Variants in MOB3B observed in about 807,000 individuals in gnomAD.
MOB3B encodes MOB kinase activator-like 2B.
In MOB3B, 7 loss-of-function variants were observed where a neutral mutation model predicts 18.7. The observed-to-expected ratio is 0.37, with a 90% CI of 0.21 to 0.70. The LOEUF (loss-of-function observed/expected upper bound fraction) is 0.70. Among genes scored for constraint, MOB3B ranks in the 30% least tolerant of loss-of-function variants. The probability of loss-of-function intolerance (pLI) is 0.52; values close to 1 mark genes in which losing one functional copy is unlikely to be tolerated. For missense variants in MOB3B, 253 were observed against 281.3 expected (o/e 0.90, Z 0.72); for synonymous variants, 111 against 99.9 (o/e 1.11, Z -0.66).
At chr9:27,332,298 T>G (rs149604005) in intron 3 of MOB3B, among the ~76,000 whole-genome samples, 217 of 152,312 alleles carry the variant, frequency 1.4e-3, no homozygotes, top group Middle Eastern at 0.01. Flanking sequence ...GCTTTTGGCT[T>G]AACTCTTGAT....
intron 2 of MOB3B, among the ~76,000 whole-genome samples, chr9:27,406,233 A>G (rs1184554399): frequency 6.6e-6 from 1 of 152,252 alleles, no homozygotes; most frequent in Non-Finnish European, 1.5e-5. Context: ...AAGTTGCAGA[A>G]TACAAAATCA....
chr9:27,447,717 T>C (rs886820836), intron 2 of MOB3B, among the ~76,000 whole-genome samples: 1 of 152,114 alleles, frequency 6.6e-6, no homozygotes, highest in African/African-American at 2.4e-5. Context: ...GCAGGGGTGG[T>C]TATTTAACAC....
At chr9:27,487,840 C>G (rs1435862802) in intron 1 of MOB3B, among the ~76,000 whole-genome samples, 5 of 152,242 alleles carry the variant, frequency 3.3e-5, no homozygotes, top group Non-Finnish European at 7.3e-5. Context: ...ATGCTATCAT[C>G]ATGGCTTCTG....
intron 3 of MOB3B, among the ~76,000 whole-genome samples, chr9:27,335,821 C>A (rs947324986): frequency 8.5e-5 from 13 of 152,184 alleles, no homozygotes; most frequent in African/African-American, 3.1e-4. Flanking sequence ...TCCCTCAGTG[C>A]CCATGACACC....
At chr9:27,496,595 T>C (rs17696369) in intron 1 of MOB3B, among the ~76,000 whole-genome samples, 4,869 of 152,254 alleles carry the variant, frequency 0.032, 101 homozygotes, top group Middle Eastern at 0.065. Context: ...AATAGAATAA[T>C]AGGACTCCAA....
intron 1 of MOB3B, among the ~76,000 whole-genome samples, chr9:27,489,022 G>A (rs551821029): frequency 3.9e-5 from 6 of 152,170 alleles, no homozygotes. Flanking sequence ...AATATCTAGC[G>A]GGGATTTTAG....
chr9:27,450,001 A>C (rs981717128), intron 2 of MOB3B, among the ~76,000 whole-genome samples: 4 of 151,870 alleles, frequency 2.6e-5, no homozygotes, highest in East Asian at 1.9e-4. Context: ...AAAAAAAAAA[A>C]AACTTAAAAT....
intron 1 of MOB3B, among the ~76,000 whole-genome samples, chr9:27,465,671 A>G (rs1819373375): frequency 6.6e-6 from 1 of 152,196 alleles, no homozygotes; most frequent in Admixed American, 6.5e-5. Flanking sequence ...CTGGGTATCC[A>G]GGCATGTCCA....
chr9:27,477,011 TG>T (rs1354448118), intron 1 of MOB3B, among the ~76,000 whole-genome samples: 1 of 152,180 alleles, frequency 6.6e-6, no homozygotes, highest in Admixed American at 6.5e-5. Context: ...CTTCTTCACC[TG>T]GGGTCAGACC....
At chr9:27,415,617 C>T (rs1488415955) in intron 2 of MOB3B, among the ~76,000 whole-genome samples, 1 of 152,172 alleles carries the variant, frequency 6.6e-6, no homozygotes, top group Non-Finnish European at 1.5e-5. Context: ...CATTTTATAT[C>T]AGTGTAAATT....
chr9:27,482,832 T>C (rs553723386), intron 1 of MOB3B, among the ~76,000 whole-genome samples: 16 of 152,208 alleles, frequency 1.1e-4, no homozygotes, highest in Non-Finnish European at 2.2e-4. Flanking sequence ...AAGAAAATTG[T>C]ATTCATCAGA....
intron 1 of MOB3B, among the ~76,000 whole-genome samples, chr9:27,474,815 A>G (rs1819527726): frequency 6.6e-6 from 1 of 152,228 alleles, no homozygotes; most frequent in Admixed American, 6.5e-5. Context: ...AAATGTTAAA[A>G]CATGCGTACT....
At chr9:27,524,243 C>A (rs762904213) in intron 1 of MOB3B, 1 of 1,303,794 alleles carries the variant, frequency 7.7e-7, no homozygotes, top group African/African-American at 1.5e-5. Context: ...ACTCCTCCTG[C>A]TGAAGATATT....
intron 2 of MOB3B, chr9:27,391,636 T>C (rs987950162): frequency 6.6e-6 from 1 of 152,238 alleles, no homozygotes; most frequent in African/African-American, 2.4e-5. Flanking sequence ...CTCAATTGAC[T>C]TGCAATCAAG....
chr9:27,339,351 A>G (rs76443038), intron 3 of MOB3B, among the ~76,000 whole-genome samples: 3,177 of 152,292 alleles, frequency 0.021, 74 homozygotes, highest in East Asian at 0.074. Flanking sequence ...AGCCACCCCA[A>G]ATTTATTTTG....
chr9:27,353,122 G>A (rs1243105043), intron 3 of MOB3B, among the ~76,000 whole-genome samples: 1 of 152,150 alleles, frequency 6.6e-6, no homozygotes, highest in Non-Finnish European at 1.5e-5. Flanking sequence ...TGCTAAAAAT[G>A]GTAATTCTCA....
chr9:27,330,515 G>C lies in MOB3B; in HGVS notation c.*72C>G. The C allele has an allele frequency of 6.2e-7, 1 of 1,605,674 alleles. No homozygotes were observed. The highest frequency in any genetic ancestry group is 8.5e-7 in the Non-Finnish European group (1 of 1,175,340). ...GTAGGTGTGTCATTTCAGCCAGGGTGGTCCACCTCCTGCCCGCTCAGGGCA... is the reference window on the plus strand; with the variant it reads ...GTAGGTGTGTCATTTCAGCCAGGGTCGTCCACCTCCTGCCCGCTCAGGGCA... On this transcript the variant is annotated 3_prime_UTR_variant, in exon 4 of 4. Transcript: ENST00000262244.
intron 2 of MOB3B, among the ~76,000 whole-genome samples, chr9:27,421,977 G>A (rs1013609863): frequency 8.5e-5 from 13 of 152,164 alleles, no homozygotes; most frequent in Non-Finnish European, 1.8e-4. Context: ...GCAGATATAA[G>A]TTCAATGAGA....
intron 3 of MOB3B, among the ~76,000 whole-genome samples, chr9:27,347,446 T>G (rs1237883466): frequency 6.6e-6 from 1 of 152,230 alleles, no homozygotes; most frequent in Non-Finnish European, 1.5e-5. Flanking sequence ...CGTAGCGCCC[T>G]GGTGATACTG....
Sources: allele counts gnomAD v4.1 joint callset (sites outside exome capture counted in the v4.1 genomes callset), GRCh38; gene constraint gnomAD v4.1.1; transcripts MANE v1.5; gene names NCBI Gene and HGNC (gene_info 2026-07-23, HGNC 2026-07-21).